The following ATCAY variants were observed in gnomAD, a reference collection of about 807,000 sequenced individuals.
ATCAY encodes caytaxin.
A neutral mutation model predicts 47.7 loss-of-function variants in ATCAY; 22 were observed. The ratio of observed to expected loss-of-function variants is 0.46; its 90% CI spans 0.33 to 0.66. ATCAY has a LOEUF of 0.66. Among genes scored for constraint, ATCAY ranks in the 30% least tolerant of loss-of-function variants. The probability of loss-of-function intolerance (pLI) is 0.02; values close to 1 mark genes in which losing one functional copy is unlikely to be tolerated. For missense variants in ATCAY, 452 were observed against 515.0 expected, an observed-to-expected ratio of 0.88 and a Z score of 1.18; for synonymous variants, 216 against 207.6, an observed-to-expected ratio of 1.04 and a Z score of -0.35.
intron 8 of ATCAY, among the ~76,000 whole-genome samples, chr19:3,912,263 G>A (rs924145230): frequency 9.2e-5 from 14 of 151,560 alleles, no homozygotes; most frequent in Admixed American, 1.3e-4. Flanking sequence ...GCTTGAGCCC[G>A]GGAGTTCGAG....
chr19:3,886,215 G>A (rs11668737), intron 2 of ATCAY, among the ~76,000 whole-genome samples: 11,220 of 152,210 alleles, frequency 0.074, 402 homozygotes, highest in Admixed American at 0.082. Context: ...TTGGGAGGCC[G>A]AGGTGGGCGG....
intron 12 of ATCAY, chr19:3,922,365 C>T (rs2039028379): frequency 8.1e-6 from 5 of 619,846 alleles, no homozygotes; most frequent in Non-Finnish European, 1.4e-5. Flanking sequence ...CGGAAGCCAC[C>T]TCTTCACCAG....
At chr19:3,881,829 T>C (rs1191432650) in intron 1 of ATCAY, among the ~76,000 whole-genome samples, 1 of 149,594 alleles carries the variant, frequency 6.7e-6, no homozygotes, top group African/African-American at 2.5e-5. Context: ...GAGGAGAACT[T>C]ACCCTCGCGG....
intron 12 of ATCAY, 167 bp downstream of exon 12, chr19:3,920,965 G>T (rs890733216): frequency 1.9e-5 from 15 of 780,166 alleles, no homozygotes; most frequent in Non-Finnish European, 3.2e-5. Flanking sequence ...TATCGGGAGT[G>T]GGGGATACGG....
At chr19:3,912,301 T>C (rs1311892068) in intron 8 of ATCAY, among the ~76,000 whole-genome samples, 1 of 151,562 alleles carries the variant, frequency 6.6e-6, no homozygotes, top group South Asian at 2.1e-4. Context: ...AGCGAGACCC[T>C]GTCTCTACAA....
At chr19:3,913,624 T>G in intron 8 of ATCAY, 134 bp from the exon 9 acceptor site, 2 of 636,816 alleles carry the variant, frequency 3.1e-6, no homozygotes, top group South Asian at 1.9e-5. Flanking sequence ...GGGAGGGAGG[T>G]GTCGTCGTCT....
intron 2 of ATCAY, among the ~76,000 whole-genome samples, chr19:3,887,765 C>A (rs909053126): frequency 6.8e-5 from 10 of 146,230 alleles, no homozygotes; most frequent in African/African-American, 2.0e-4. Flanking sequence ...GGATTACAGG[C>A]GTGAGCCATC....
At chr19:3,897,640 G>A (rs1200208771) in intron 2 of ATCAY, among the ~76,000 whole-genome samples, 5 of 151,982 alleles carry the variant, frequency 3.3e-5, no homozygotes, top group Non-Finnish European at 7.4e-5. Context: ...AAGTACAGTG[G>A]CTCACGCATG....
chr19:3,921,998 G>A (rs546747893), intron 12 of ATCAY, among the ~76,000 whole-genome samples: 2 of 152,304 alleles, frequency 1.3e-5, no homozygotes, highest in African/African-American at 4.8e-5. Flanking sequence ...TCCTCTCCCA[G>A]TGGGGTTGTG....
chr19:3,909,806 C>G (rs1237937473), intron 7 of ATCAY, among the ~76,000 whole-genome samples, 189 bp downstream of exon 7: 3 of 151,924 alleles, frequency 2.0e-5, no homozygotes, highest in Admixed American at 6.6e-5. Context: ...ACTTTTAGGC[C>G]GGGCAAGGGG....
intron 11 of ATCAY, 129 bp from the exon 12 acceptor site, chr19:3,920,637 C>T (rs2039009382): frequency 2.7e-6 from 2 of 743,080 alleles, no homozygotes; most frequent in Non-Finnish European, 3.7e-6. Context: ...GCCACTGCAC[C>T]CAGCCAAGAC....
rs538020697 is a variant in ATCAY, at chr19:3,903,616, TG to T, written c.136+1074del. On this transcript the variant is annotated intron_variant, in intron 3 of 12. Transcript: ENST00000450849. ...ATGGCTCACTGCAGCCTCAACCTCC[TG>T]GGCTCAAGAGATCCTCCTGCCTCAG... Among the ~76,000 whole-genome samples, 174 of 150,830 alleles carry T rather than the reference TG, an allele frequency of 1.2e-3. 3 individuals are homozygous for T. Among genetic ancestry groups the T allele is most frequent in the Admixed American group, 0.011 (165 of 15,160 alleles).
At chr19:3,918,939 G>C (rs1289797936) in intron 11 of ATCAY, 62 bp downstream of exon 11, 8 of 1,593,710 alleles carry the variant, frequency 5.0e-6, no homozygotes, top group Non-Finnish European at 6.9e-6. Flanking sequence ...CTACTCCCTT[G>C]GGGGAGGCTA....
chr19:3,893,156 T>TG (rs1332085521), intron 2 of ATCAY, among the ~76,000 whole-genome samples: 7 of 142,536 alleles, frequency 4.9e-5, no homozygotes, highest in South Asian at 2.3e-4. Flanking sequence ...ATCTTGCATG[T>TG]GGGGGGGACC....
intron 2 of ATCAY, among the ~76,000 whole-genome samples, chr19:3,888,131 A>C (rs2038680057): frequency 6.7e-6 from 1 of 150,144 alleles, no homozygotes. Flanking sequence ...AAAAAATACT[A>C]CATGGAAAGG....
chr19:3,920,968 G>A, intron 12 of ATCAY, 170 bp downstream of exon 12: 1 of 770,162 alleles, frequency 1.3e-6, no homozygotes, highest in Non-Finnish European at 2.2e-6. Context: ...CGGGAGTGGG[G>A]GATACGGCAC....
In ATCAY at chr19:3,924,771, G is replaced by T; in HGVS notation, c.*179G>T. On this transcript the variant is annotated 3_prime_UTR_variant, in exon 13 of 13. Transcript: ENST00000450849. The stretch of plus-strand genomic sequence containing the variant: ...TCCTTTTCAGCTGCTTGAAAACATT[G>T]TATTTTTTTTTTTTAACGATGCAGT... The T allele has an allele frequency of 1.8e-6, 1 of 565,790 alleles. No individual in the cohort carries two copies. The highest frequency in any genetic ancestry group is 2.2e-5 in the South Asian group (1 of 44,786). 35.0% of individuals were successfully genotyped at this position (565,790 alleles called of 1,614,324 possible).
At chr19:3,900,738 G>A (rs1486003565) in intron 2 of ATCAY, among the ~76,000 whole-genome samples, 4 of 151,850 alleles carry the variant, frequency 2.6e-5, no homozygotes, top group African/African-American at 9.7e-5. Context: ...GTTTCACCAT[G>A]TTGTCCAGGC....
intron 2 of ATCAY, among the ~76,000 whole-genome samples, chr19:3,898,874 G>A (rs528901599): frequency 2.8e-4 from 43 of 152,288 alleles, no homozygotes; most frequent in African/African-American, 9.9e-4. Context: ...TACAGACAGG[G>A]TTTCATCGTG....
Sources: allele counts gnomAD v4.1 joint callset (sites outside exome capture counted in the v4.1 genomes callset), GRCh38; gene constraint gnomAD v4.1.1; transcripts MANE v1.5; gene names NCBI Gene and HGNC (gene_info 2026-07-23, HGNC 2026-07-21).